Variants in NFATC2 observed in about 807,000 individuals in gnomAD.
NFATC2 encodes the protein nuclear factor of activated T-cells, cytoplasmic 2.
Under a neutral mutation model 87.3 loss-of-function variants are expected in NFATC2, and 22 were observed. The ratio of observed to expected loss-of-function variants is 0.25; its 90% CI spans 0.18 to 0.36. NFATC2 has a LOEUF of 0.36. Ranked by LOEUF, NFATC2 falls within the 10% of genes least tolerant of loss-of-function variation. The pLI is 1.00. For missense variants in NFATC2, 1,149 were observed against 1,259.1 expected, an observed-to-expected ratio of 0.91 and a Z score of 1.32; for synonymous variants, 565 against 542.2, an observed-to-expected ratio of 1.04 and a Z score of -0.58.
chr20:51,468,449 G>A (rs1987896797), intron 5 of NFATC2, among the ~76,000 whole-genome samples: 1 of 152,246 alleles, frequency 6.6e-6, no homozygotes, highest in Non-Finnish European at 1.5e-5. Context: ...TACATTCTGT[G>A]CCCTGAGCTG....
intron 3 of NFATC2, among the ~76,000 whole-genome samples, chr20:51,499,026 G>A (rs1312260003): frequency 6.6e-6 from 1 of 152,152 alleles, no homozygotes; most frequent in Non-Finnish European, 1.5e-5. Context: ...GGTGGGAATG[G>A]AGTGAGGGAG....
intron 3 of NFATC2, among the ~76,000 whole-genome samples, chr20:51,511,129 T>C (rs1014299714): frequency 2.6e-5 from 4 of 152,184 alleles, no homozygotes; most frequent in Non-Finnish European, 5.9e-5. Flanking sequence ...TCACAGCCTA[T>C]AGGGACTGAA....
At chr20:51,446,920 A>G (rs1264478472) in intron 6 of NFATC2, among the ~76,000 whole-genome samples, 1 of 152,150 alleles carries the variant, frequency 6.6e-6, no homozygotes, top group Non-Finnish European at 1.5e-5. Flanking sequence ...CATTTCCCAG[A>G]GGGAAGCCCC....
Position 51,516,816 on chromosome 20 carries a change from T to C in NFATC2, c.1300A>G (p.Lys434Glu). 6.2e-7 allele frequency: 1 copy of C among 1,612,582 alleles called. No individual in the cohort carries two copies. Among genetic ancestry groups the C allele is most frequent in the Non-Finnish European group, 8.5e-7 (1 of 1,179,030 alleles). Residue 434 changes from lysine (K) to glutamate (E), a missense_variant, in exon 3 of 11, where the codon AAA becomes GAA. This residue lies in a region of NFATC2 where 581 missense variants were observed against 649.7 expected (regional missense o/e 0.89). Coordinates refer to ENST00000371564, the MANE Select transcript of NFATC2 (RefSeq NM_012340.5). The part of the protein sequence containing the change: ...YETEGSRGAV[K>E]APTGGHPVVQ... ...ACAGGGTGGCCTCCAGTTGGAGCTT[T>C]GACAGCCCCTCGGCTGCCTTCTGTC...
upstream of NFATC2, chr20:51,562,756 C>G: frequency 4.6e-6 from 4 of 869,588 alleles, no homozygotes; most frequent in South Asian, 5.4e-5. The surrounding 1 kb of genome is among the most constrained non-coding windows in gnomAD (Gnocchi z 5.8). Context: ...AGCCTCGGAG[C>G]GACCCGGGAG....
rs1235971203 is a variant in NFATC2 at position 51,475,393 on chromosome 20, C to T, written c.1535+65G>A. The T allele has an allele frequency of 4.5e-6, 7 of 1,539,806 alleles. No homozygotes were observed. The East Asian group carries it at 1.1e-4, about 25-fold the overall frequency. On this transcript the variant is annotated intron_variant, in intron 4 of 10. Transcript: ENST00000371564. ...TTCTGTAGAGTCCCCTCTCCCAAATCCCTGCCACCTGCCCCCTGCTCGCTT... is the reference window on the plus strand; with the variant it reads ...TTCTGTAGAGTCCCCTCTCCCAAATTCCTGCCACCTGCCCCCTGCTCGCTT...
intron 9 of NFATC2, among the ~76,000 whole-genome samples, chr20:51,424,262 T>A (rs988640943): frequency 1.3e-5 from 2 of 152,192 alleles, no homozygotes; most frequent in Non-Finnish European, 2.9e-5. Flanking sequence ...GCTGAACCTT[T>A]GCTGAATTTA....
intron 6 of NFATC2, among the ~76,000 whole-genome samples, chr20:51,451,498 A>G (rs1985767200): frequency 2.0e-5 from 3 of 152,234 alleles, no homozygotes. Flanking sequence ...TGCCCAGGAC[A>G]GCGCCCCTGC....
intron 1 of NFATC2, among the ~76,000 whole-genome samples, chr20:51,556,172 A>G: frequency 6.6e-6 from 1 of 152,216 alleles, no homozygotes; most frequent in Non-Finnish European, 1.5e-5. Flanking sequence ...GCTGGGAGAG[A>G]CAAAGAAGGG....
At chr20:51,464,815 C>T (rs1241106378) in intron 5 of NFATC2, among the ~76,000 whole-genome samples, 5 of 152,200 alleles carry the variant, frequency 3.3e-5, no homozygotes, top group African/African-American at 7.2e-5. Context: ...CTTGATGCCC[C>T]GAGGCTCAGT....
chr20:51,561,436 A>G (rs959114310), intron 1 of NFATC2, among the ~76,000 whole-genome samples: 1 of 69,608 alleles, frequency 1.4e-5, no homozygotes. Context: ...GAAAGAAAAG[A>G]AAGAAAGAAA....
intron 3 of NFATC2, among the ~76,000 whole-genome samples, chr20:51,488,970 C>T (rs1268837271): frequency 1.3e-5 from 2 of 152,238 alleles, no homozygotes; most frequent in African/African-American, 4.8e-5. Flanking sequence ...AGGCGGATCA[C>T]TTGAGGTCAG....
At position 51,432,648 on chromosome 20, in the gene NFATC2, A is replaced by G; in HGVS notation, c.2141T>C (p.Val714Ala). ...CACGAGGCAGGAGGGGGACTCGGCCACCATCGGGTGCTGGGGGTAGTAAGG... is the reference window on the plus strand; with the variant it reads ...CACGAGGCAGGAGGGGGACTCGGCCGCCATCGGGTGCTGGGGGTAGTAAGG... Reference protein sequence around the residue: ...SQPYYPQHPMVAESPSCLVAT... With the variant: ...SQPYYPQHPMAAESPSCLVAT... The change falls in exon 9 of 11, where the codon GTG becomes GCG. Residue 714 changes from valine to alanine, a missense_variant. By Grantham distance (64) the Val-to-Ala change is moderately conservative (BLOSUM62 0). Around this residue, in one of 3 missense-constraint regions of NFATC2, gnomAD observed 581 missense variants for 649.7 expected, o/e 0.89. Transcript: ENST00000371564. The surrounding 1 kb of genome is among the most constrained non-coding windows in gnomAD (Gnocchi z 4.6). 1 of 1,543,276 alleles carries G rather than the reference A, an allele frequency of 6.5e-7. No individual in the cohort carries two copies. The highest frequency in any genetic ancestry group is 1.2e-5 in the South Asian group (1 of 80,632).
intron 6 of NFATC2, among the ~76,000 whole-genome samples, chr20:51,442,730 A>G (rs915748726): frequency 1.1e-4 from 17 of 151,718 alleles, no homozygotes; most frequent in Non-Finnish European, 2.5e-4. Context: ...TTCTTAAGAA[A>G]AAGGCACATT....
intron 4 of NFATC2, among the ~76,000 whole-genome samples, chr20:51,474,967 A>T (rs746896697): frequency 0.068 from 9,633 of 141,212 alleles, 382 homozygotes; most frequent in Middle Eastern, 0.1. Flanking sequence ...ATTATACTTT[A>T]TTTATTTTTT....
At chr20:51,420,959 G>A (rs1461504864) in intron 9 of NFATC2, among the ~76,000 whole-genome samples, 1 of 151,978 alleles carries the variant, frequency 6.6e-6, no homozygotes, top group Non-Finnish European at 1.5e-5. Flanking sequence ...TATGCTGGAG[G>A]CTGAGGCAGG....
At chr20:51,443,131 C>T (rs1030511962) in intron 6 of NFATC2, among the ~76,000 whole-genome samples, 11 of 151,480 alleles carry the variant, frequency 7.3e-5, no homozygotes, top group Non-Finnish European at 1.3e-4. Flanking sequence ...CTTCTGTGAC[C>T]ATCCCCTTCC....
At chr20:51,528,775 G>A (rs2076586565) in intron 1 of NFATC2, among the ~76,000 whole-genome samples, 1 of 152,210 alleles carries the variant, frequency 6.6e-6, no homozygotes, top group Non-Finnish European at 1.5e-5. Flanking sequence ...TTACGAAGCA[G>A]GAAATGAAGA....
intron 10 of NFATC2, among the ~76,000 whole-genome samples, chr20:51,394,896 C>A (rs1164212618): frequency 6.6e-6 from 1 of 152,218 alleles, no homozygotes; most frequent in African/African-American, 2.4e-5. Context: ...ACATTCCTGC[C>A]ATGGTGCCCT....
Sources: gnomAD v4.1 joint callset for allele counts (sites outside exome capture counted in the v4.1 genomes callset) on GRCh38, gnomAD v4.1.1 for gene constraint, gnomAD v4.1.1 regional missense constraint, Gnocchi (gnomAD v3.1) non-coding constraint, MANE v1.5 for transcripts, NCBI Gene and HGNC (gene_info 2026-07-23, HGNC 2026-07-21) for gene names.